The following GRM7 variants were observed in gnomAD, a reference collection of about 807,000 sequenced individuals.
GRM7 encodes the protein glutamate metabotropic receptor 7.
GRM7 carries 35 observed loss-of-function variants against 84.5 expected under a neutral mutation model. The observed-to-expected ratio is 0.41, with a 90% CI of 0.32 to 0.55. The LOEUF is 0.55. GRM7 is among the 20% of genes least tolerant of loss of function. The pLI, the probability that GRM7 is intolerant of heterozygous loss-of-function variation, is 0.19. For missense variants in GRM7, 1,003 were observed against 1,194.6 expected, an observed-to-expected ratio of 0.84 and a Z score of 2.36; for synonymous variants, 487 against 455.1, an observed-to-expected ratio of 1.07 and a Z score of -0.89.
intron 8 of GRM7, among the ~76,000 whole-genome samples, chr3:7,613,471 C>A (rs760358045): frequency 1.7e-4 from 26 of 152,074 alleles, no homozygotes; most frequent in Non-Finnish European, 3.1e-4. Flanking sequence ...ATTATTCATC[C>A]CTGACGCTCA....
chr3:7,458,494 A>G (rs1372730179), intron 6 of GRM7, among the ~76,000 whole-genome samples: 1 of 152,240 alleles, frequency 6.6e-6, no homozygotes, highest in East Asian at 1.9e-4. Flanking sequence ...TAGAGAATCC[A>G]TCAAAAAGGC....
chr3:6,971,421 C>T (rs1575082839), intron 1 of GRM7, among the ~76,000 whole-genome samples: 1 of 152,274 alleles, frequency 6.6e-6, no homozygotes, highest in East Asian at 1.9e-4. Flanking sequence ...CCCATCACCC[C>T]CTGCATATTT....
intron 8 of GRM7, among the ~76,000 whole-genome samples, chr3:7,620,094 T>C (rs1024738651): frequency 6.6e-6 from 1 of 152,090 alleles, no homozygotes; most frequent in African/African-American, 2.4e-5. Flanking sequence ...ACCAATCGTA[T>C]GAATAATTAG....
At chr3:7,591,870 G>C (rs544055760) in intron 8 of GRM7, among the ~76,000 whole-genome samples, 8 of 152,236 alleles carry the variant, frequency 5.3e-5, no homozygotes, top group African/African-American at 1.4e-4. Context: ...CCCAGAGCCA[G>C]AAAGGGAAAA....
At chr3:7,267,958 C>T (rs1698707642) in intron 2 of GRM7, among the ~76,000 whole-genome samples, 2 of 151,990 alleles carry the variant, frequency 1.3e-5, no homozygotes, top group African/African-American at 2.4e-5. Flanking sequence ...TTTCAGAAGG[C>T]CCAGTTAGTG....
At chr3:6,926,635 A>G (rs987171223) in intron 1 of GRM7, among the ~76,000 whole-genome samples, 2 of 152,194 alleles carry the variant, frequency 1.3e-5, no homozygotes, top group African/African-American at 4.8e-5. Context: ...TCTCCTCTAC[A>G]ATGAGCAGGT....
At chr3:7,169,907 T>C (rs1694927156) in intron 2 of GRM7, among the ~76,000 whole-genome samples, 1 of 152,118 alleles carries the variant, frequency 6.6e-6, no homozygotes, top group Non-Finnish European at 1.5e-5. Flanking sequence ...GTTAAAATAT[T>C]AAAAATAGAG....
At chr3:7,310,251 G>A (rs1399730287) in intron 4 of GRM7, among the ~76,000 whole-genome samples, 7 of 151,658 alleles carry the variant, frequency 4.6e-5, no homozygotes, top group Admixed American at 4.6e-4. Context: ...TCTCACAATT[G>A]GTGATGATTT....
intron 8 of GRM7, among the ~76,000 whole-genome samples, chr3:7,617,929 G>C (rs570918599): frequency 6.6e-6 from 1 of 152,208 alleles, no homozygotes; most frequent in African/African-American, 2.4e-5. Flanking sequence ...GCAATTAAAA[G>C]TGCCAGTCCT....
At chr3:7,558,695 C>T (rs1693878550) in intron 7 of GRM7, among the ~76,000 whole-genome samples, 1 of 151,994 alleles carries the variant, frequency 6.6e-6, no homozygotes, top group African/African-American at 2.4e-5. Context: ...AGGCATTAAA[C>T]TCTTATCATT....
intron 1 of GRM7, among the ~76,000 whole-genome samples, chr3:6,944,070 C>G (rs903231725): frequency 1.3e-5 from 2 of 151,884 alleles, no homozygotes; most frequent in Non-Finnish European, 2.9e-5. Flanking sequence ...GTTTTATAAA[C>G]TTTTTTTGTG....
chr3:7,650,768 A>T (rs1698896202), intron 8 of GRM7, among the ~76,000 whole-genome samples: 1 of 152,130 alleles, frequency 6.6e-6, no homozygotes, highest in Non-Finnish European at 1.5e-5. Context: ...CCCAGGCTGG[A>T]GTGCAGTGGC....
chr3:7,617,833 G>A (rs1390648564), intron 8 of GRM7, among the ~76,000 whole-genome samples: 1 of 152,072 alleles, frequency 6.6e-6, no homozygotes, highest in South Asian at 2.1e-4. Flanking sequence ...AAAGAATAAG[G>A]TTTGTTTTTA....
At chr3:7,197,188 G>T (rs1575019396) in intron 2 of GRM7, among the ~76,000 whole-genome samples, 2 of 152,190 alleles carry the variant, frequency 1.3e-5, no homozygotes, top group South Asian at 4.1e-4. Context: ...ACAAATAGCT[G>T]GAAACCACTT....
At chr3:7,492,194 T>G (rs1699543834) in intron 7 of GRM7, among the ~76,000 whole-genome samples, 1 of 152,228 alleles carries the variant, frequency 6.6e-6, no homozygotes, top group East Asian at 1.9e-4. Flanking sequence ...CTTTGCTGGG[T>G]TTTAGTATCA....
At chr3:7,349,181 A>T (rs1333630770) in intron 4 of GRM7, among the ~76,000 whole-genome samples, 1 of 152,116 alleles carries the variant, frequency 6.6e-6, no homozygotes, top group African/African-American at 2.4e-5. Flanking sequence ...GCTCGTCACA[A>T]TGAACATTTT....
intron 4 of GRM7, among the ~76,000 whole-genome samples, chr3:7,332,045 G>C (rs981774880): frequency 6.6e-6 from 1 of 152,128 alleles, no homozygotes; most frequent in Non-Finnish European, 1.5e-5. Context: ...TATTTTATAG[G>C]TGTATACAAG....
At chr3:7,439,921 A>G (rs774906878) in intron 5 of GRM7, among the ~76,000 whole-genome samples, 2 of 149,400 alleles carry the variant, frequency 1.3e-5, no homozygotes, top group Non-Finnish European at 3.0e-5. Context: ...ATAGAGCCTT[A>G]GGGGAAGAAG....
chr3:7,607,514 G>T (rs1484128422), intron 8 of GRM7: 2 of 151,822 alleles, frequency 1.3e-5, no homozygotes, highest in Non-Finnish European at 2.9e-5. Context: ...CTTGGCCTTG[G>T]AAAAAACATG....
Sources: gnomAD v4.1 joint callset for allele counts (sites outside exome capture counted in the v4.1 genomes callset) on GRCh38, gnomAD v4.1.1 for gene constraint, MANE v1.5 for transcripts, NCBI Gene and HGNC (gene_info 2026-07-23, HGNC 2026-07-21) for gene names.